XRCC4: variants seen among roughly 807,000 people sequenced by gnomAD.
The protein encoded by XRCC4 is X-ray repair cross complementing 4.
In XRCC4, 28 loss-of-function variants were observed where a neutral mutation model predicts 39.1. The ratio of observed to expected loss-of-function variants is 0.72; its 90% confidence interval spans 0.53 to 0.98. XRCC4 has a LOEUF of 0.98. Among genes scored for constraint, XRCC4 ranks in the 50% least tolerant of loss-of-function variants. The probability of loss-of-function intolerance (pLI) is 0.00; values close to 1 mark genes in which losing one functional copy is unlikely to be tolerated. For synonymous variants in XRCC4, 123 were observed against 126.4 expected, an observed-to-expected ratio of 0.97 and a Z score of 0.18; for missense variants, 350 against 376.4, an observed-to-expected ratio of 0.93 and a Z score of 0.58.
At chr5:83,287,364 G>C (rs566566919) in intron 7 of XRCC4, among the ~76,000 whole-genome samples, 2 of 152,148 alleles carry the variant, frequency 1.3e-5, no homozygotes, top group East Asian at 3.9e-4. Context: ...GTGTAACAGA[G>C]AGAGAATAGC....
rs1327915418 is a variant in XRCC4, at chr5:83,134,321, A to C, written c.315+23118A>C. On this transcript the variant is annotated intron_variant, in intron 3 of 7. Coordinates refer to ENST00000396027, the MANE Select transcript of XRCC4 (RefSeq NM_003401.5). The stretch of plus-strand genomic sequence containing the variant: ...GAGAACTTTTGTGTCTAGCTAAAGG[A>C]TTGTAAACACACCAGTCAGCACTCT... Among the ~76,000 whole-genome samples the C allele has an allele frequency of 1.4e-4, 21 of 151,854 alleles. 1 individual carries two copies. The highest frequency in any genetic ancestry group is 1.3e-3 in the Admixed American group (20 of 15,162).
chr5:83,349,145 A>G (rs1757006255), intron 7 of XRCC4, among the ~76,000 whole-genome samples: 2 of 152,140 alleles, frequency 1.3e-5, no homozygotes, highest in Admixed American at 6.6e-5. Context: ...AGTTGCTTCT[A>G]TATTTTCAGA....
chr5:83,222,825 A>T (rs556875433), intron 6 of XRCC4, among the ~76,000 whole-genome samples: 1 of 152,092 alleles, frequency 6.6e-6, no homozygotes, highest in Admixed American at 6.6e-5. Flanking sequence ...ACGGCTCACC[A>T]CAGCCTCGAC....
chr5:83,207,360 C>G (rs1751460620), intron 6 of XRCC4, among the ~76,000 whole-genome samples: 1 of 152,008 alleles, frequency 6.6e-6, no homozygotes, highest in Non-Finnish European at 1.5e-5. Flanking sequence ...ATTCTCCTTT[C>G]TCTTCAGAAA....
At chr5:83,225,886 A>G (rs1752268890) in intron 6 of XRCC4, among the ~76,000 whole-genome samples, 1 of 151,736 alleles carries the variant, frequency 6.6e-6, no homozygotes, top group South Asian at 2.1e-4. Context: ...TGCCTGTTAA[A>G]AATCACCTCT....
At chr5:83,351,190 T>C (rs2112234097) in intron 7 of XRCC4, among the ~76,000 whole-genome samples, 1 of 152,300 alleles carries the variant, frequency 6.6e-6, no homozygotes, top group African/African-American at 2.4e-5. Context: ...CCCTTTCACC[T>C]TCTACCGTGA....
chr5:83,144,267 C>CTCTGTGTGTGTG (rs144947047), intron 3 of XRCC4, among the ~76,000 whole-genome samples: 1 of 140,044 alleles, frequency 7.1e-6, no homozygotes, highest in South Asian at 2.5e-4. Flanking sequence ...TAATATTCCT[C>CTCTGTGTGTGTG]TGTGTGTGTG....
rs1561308240 is a variant in XRCC4 at position 83,077,619 on chromosome 5, G to A, written c.-11+4G>A. The A allele has an allele frequency of 4.8e-6, 2 of 419,062 alleles. No individual in the cohort carries two copies. The highest frequency in any genetic ancestry group is 8.7e-6 in the Non-Finnish European group (2 of 229,004). 26.0% of individuals were successfully genotyped at this position (419,062 alleles called of 1,614,324 possible). A position where few individuals can be genotyped will look rare whatever the true frequency, so the allele number is the denominator to read the frequency against. On this transcript the variant is annotated splice_donor_region_variant and intron_variant, in intron 1 of 7. Coordinates refer to ENST00000396027, the MANE Select transcript of XRCC4 (RefSeq NM_003401.5). Reference sequence around the variant, plus strand: ...CCGGAAGTAGAGTCACGGAGAGGTAGGATCCGGAAGTGGGGCTGCCTCTTT... The same window carrying A: ...CCGGAAGTAGAGTCACGGAGAGGTAAGATCCGGAAGTGGGGCTGCCTCTTT...
intron 3 of XRCC4, among the ~76,000 whole-genome samples, chr5:83,116,944 G>T (rs1271507940): frequency 3.3e-5 from 5 of 151,986 alleles, no homozygotes; most frequent in African/African-American, 1.2e-4. Context: ...TTCTAATGTA[G>T]TGAAATATTT....
chr5:83,352,399 G>A (rs1353186676), intron 7 of XRCC4, among the ~76,000 whole-genome samples: 1 of 152,152 alleles, frequency 6.6e-6, no homozygotes, highest in East Asian at 1.9e-4. Flanking sequence ...ACACTCCACA[G>A]CTTTACTTCT....
chr5:83,251,172 A>G (rs751403192), intron 6 of XRCC4, among the ~76,000 whole-genome samples: 9 of 152,200 alleles, frequency 5.9e-5, no homozygotes, highest in Non-Finnish European at 1.3e-4. Context: ...GTGGAGGAAT[A>G]AATGAATTCT....
At chr5:83,294,687 TAACA>T (rs988415316) in intron 7 of XRCC4, among the ~76,000 whole-genome samples, 1 of 152,004 alleles carries the variant, frequency 6.6e-6, no homozygotes, top group African/African-American at 2.4e-5. Flanking sequence ...ATAATAAAAC[TAACA>T]TAGTTATGGT....
At chr5:83,301,760 T>C (rs887233041) in intron 7 of XRCC4, among the ~76,000 whole-genome samples, 5 of 152,184 alleles carry the variant, frequency 3.3e-5, no homozygotes, top group African/African-American at 1.2e-4. Context: ...TATAAAGATA[T>C]AAGGAAGGGG....
the XRCC4 span, among the ~76,000 whole-genome samples, chr5:83,372,791 A>G: frequency 6.6e-6 from 1 of 152,238 alleles, no homozygotes; most frequent in Admixed American, 6.5e-5. Context: ...TACTTGCTAG[A>G]AAACATGTGT....
chr5:83,083,030 C>T (rs752576636), intron 1 of XRCC4, among the ~76,000 whole-genome samples: 53 of 152,164 alleles, frequency 3.5e-4, no homozygotes, highest in Admixed American at 6.5e-4. Context: ...TCCTTCATAG[C>T]TTTTACATGT....
intron 1 of XRCC4, among the ~76,000 whole-genome samples, chr5:83,087,302 G>T (rs1157117302): frequency 6.6e-6 from 1 of 152,044 alleles, no homozygotes; most frequent in East Asian, 1.9e-4. Context: ...GGGCAACAGA[G>T]TGAGACCCTG....
chr5:83,096,366 G>A (rs1359448153), intron 1 of XRCC4, among the ~76,000 whole-genome samples: 2 of 152,180 alleles, frequency 1.3e-5, no homozygotes. Context: ...CCACTGCCAA[G>A]ACTGATGTTG....
At chr5:83,235,348 A>G (rs1580405472) in intron 6 of XRCC4, among the ~76,000 whole-genome samples, 1 of 151,284 alleles carries the variant, frequency 6.6e-6, no homozygotes, top group Admixed American at 6.6e-5. Flanking sequence ...AAAAAAAAAA[A>G]AAAAAGAAAG....
At chr5:83,204,324 A>T (rs961855750) in intron 5 of XRCC4, among the ~76,000 whole-genome samples, 1 of 152,096 alleles carries the variant, frequency 6.6e-6, no homozygotes, top group Non-Finnish European at 1.5e-5. Context: ...GACGTAGTAT[A>T]AAAAAATTTG....
Sources: allele counts gnomAD v4.1 joint callset (sites outside exome capture counted in the v4.1 genomes callset), GRCh38; gene constraint gnomAD v4.1.1; transcripts MANE v1.5; gene names NCBI Gene and HGNC (gene_info 2026-07-23, HGNC 2026-07-21).